Variants in UBE3A observed in about 807,000 individuals in gnomAD.
The protein encoded by UBE3A is ubiquitin protein ligase E3A.
UBE3A carries 6 observed loss-of-function variants against 83.4 expected under a neutral mutation model. That is an observed-to-expected ratio of 0.07 (90% CI 0.04 to 0.14). The LOEUF is 0.14. Ranked by LOEUF, UBE3A falls within the 10% of genes least tolerant of loss-of-function variation. UBE3A has a pLI of 1.00. For synonymous variants in UBE3A, 337 were observed against 355.4 expected, an observed-to-expected ratio of 0.95 and a Z score of 0.58; for missense variants, 456 against 1,036.1, an observed-to-expected ratio of 0.44 and a Z score of 7.69.
At chr15:25,435,380 T>C (rs1374449988) in intron 1 of UBE3A, among the ~76,000 whole-genome samples, 2 of 152,148 alleles carry the variant, frequency 1.3e-5, no homozygotes, top group Admixed American at 1.3e-4. Context: ...TAAATGTTAG[T>C]TGATCATTTA....
chr15:25,394,826 C>CAAAA (rs2085191737), intron 4 of UBE3A, among the ~76,000 whole-genome samples: 1 of 152,152 alleles, frequency 6.6e-6, no homozygotes, highest in Admixed American at 6.5e-5. Flanking sequence ...AATTTACTAG[C>CAAAA]TTCATTCTTT....
chr15:25,375,667 G>A lies in UBE3A; in HGVS notation c.159C>T (p.Ser53=). The change falls in exon 5 of 13, where the codon TCC becomes TCT. Residue 53 remains serine, a synonymous_variant. Coordinates refer to ENST00000648336, the MANE Select transcript of UBE3A (RefSeq NM_130839.5). ...TATCCATACGAAGAAAAGTTGGACA[G>A]GAAGCACAAAACTCATTCGTGCAGG... ...NEACTNEFCA[S]CPTFLRMDNN... is the part of the protein sequence containing the mutation. 1.2e-6 allele frequency: 2 copies of A among 1,614,154 alleles called. No homozygotes were observed. The highest frequency in any genetic ancestry group is 8.5e-7 in the Non-Finnish European group (1 of 1,180,026).
rs539691238 is a variant in UBE3A at position 25,378,723 on chromosome 15, T to A, written c.63-2960A>T. On this transcript the variant is annotated intron_variant, in intron 4 of 12. Coordinates refer to ENST00000648336, the MANE Select transcript of UBE3A (RefSeq NM_130839.5). ...AAGGTGATTCATTTCAAAATAATTA[T>A]TTTTTAACATGAGTAATACTGAAGA... 2.6e-5 allele frequency among the ~76,000 whole-genome samples: 4 copies of A among 152,292 alleles called. No individual in the cohort carries two copies. The South Asian group carries it at 8.3e-4, about 32-fold the overall frequency.
chr15:25,384,272 A>G (rs1003950558), intron 4 of UBE3A, among the ~76,000 whole-genome samples: 4 of 152,072 alleles, frequency 2.6e-5, no homozygotes, highest in Non-Finnish European at 5.9e-5. Flanking sequence ...ATCCTGGCCA[A>G]CATGGTGAAA....
At position 25,352,952 on chromosome 15, in the gene UBE3A, T is replaced by C. The variant is rs375141244; in HGVS notation, c.2354+1401A>G. 7.9e-5 allele frequency among the ~76,000 whole-genome samples: 12 copies of C among 152,310 alleles called. No individual in the cohort carries two copies. The East Asian group carries it at 2.3e-3, about 29-fold the overall frequency. On this transcript the variant is annotated intron_variant, in intron 11 of 12. Transcript: ENST00000648336. ...TTATGTTGTTATAAAAAGCTAGAAG[T>C]AAAATTAAGACTTTAATTTCAAAGA...
chr15:25,348,503 A>G (rs1239841722), intron 11 of UBE3A, among the ~76,000 whole-genome samples: 1 of 152,188 alleles, frequency 6.6e-6, no homozygotes, highest in African/African-American at 2.4e-5. Context: ...GAGGAACAGT[A>G]ATAAATAACA....
At chr15:25,409,374 T>C (rs1022922389) in intron 2 of UBE3A, 167 bp from the exon 3 acceptor site, 1 of 384,384 alleles carries the variant, frequency 2.6e-6, no homozygotes, top group East Asian at 3.9e-5. Context: ...ATTTTGTTTT[T>C]CTTAAATGAT....
At chr15:25,361,367 G>A (rs1044092000) in intron 6 of UBE3A, among the ~76,000 whole-genome samples, 1 of 151,834 alleles carries the variant, frequency 6.6e-6, no homozygotes, top group East Asian at 1.9e-4. Flanking sequence ...CTCATGATCC[G>A]CCCACCTCAG....
intron 1 of UBE3A, among the ~76,000 whole-genome samples, chr15:25,430,100 T>TTA (rs1232082230): frequency 1.3e-4 from 12 of 90,490 alleles, no homozygotes; most frequent in African/African-American, 5.2e-4. Flanking sequence ...TATATATATA[T>TTA]TATATATATA....
intron 8 of UBE3A, 41 bp downstream of exon 8, chr15:25,356,650 A>T (rs748909714): frequency 6.3e-7 from 1 of 1,581,294 alleles, no homozygotes; most frequent in South Asian, 1.1e-5. Context: ...CATTTAAATA[A>T]AATCTAAGAG....
At chr15:25,354,199 ATGG>A in intron 11 of UBE3A, 151 bp downstream of exon 11, 1 of 695,272 alleles carries the variant, frequency 1.4e-6, no homozygotes, top group Non-Finnish European at 2.5e-6. Context: ...GCTCTGAAAA[ATGG>A]TGATTATATT....
At chr15:25,430,092 T>C (rs1415739389) in intron 1 of UBE3A, among the ~76,000 whole-genome samples, 2 of 95,952 alleles carry the variant, frequency 2.1e-5, no homozygotes, top group Non-Finnish European at 3.6e-5. Context: ...TATAAGATTA[T>C]ATATATATTA....
At chr15:25,404,713 C>T (rs1422306290) in intron 4 of UBE3A, among the ~76,000 whole-genome samples, 1 of 152,162 alleles carries the variant, frequency 6.6e-6, no homozygotes, top group Non-Finnish European at 1.5e-5. Flanking sequence ...AAATTCTTTG[C>T]TGACTCCCTA....
chr15:25,415,849 G>GAAAAAAA (rs57736236), intron 1 of UBE3A: 2 of 111,172 alleles, frequency 1.8e-5, no homozygotes, highest in African/African-American at 3.5e-5. Flanking sequence ...CCCTCTACAA[G>GAAAAAAA]AAAAAAAAAA....
intron 11 of UBE3A, among the ~76,000 whole-genome samples, chr15:25,352,587 T>C (rs2076663653): frequency 6.6e-6 from 1 of 152,246 alleles, no homozygotes; most frequent in Non-Finnish European, 1.5e-5. Context: ...ATGGTGCTGG[T>C]AGACCTGCTT....
At chr15:25,379,470 G>T (rs1485080614) in intron 4 of UBE3A, among the ~76,000 whole-genome samples, 1 of 152,140 alleles carries the variant, frequency 6.6e-6, no homozygotes, top group Non-Finnish European at 1.5e-5. Context: ...ACAAATAGCA[G>T]CTACACTGAT....
rs1354070893 is a variant in UBE3A, at chr15:25,338,955, T to C, written c.*182A>G. The stretch of plus-strand genomic sequence containing the variant: ...CTGAAATCTGCTGTTCCAGCCCACA[T>C]GTCCCCAATAAAGAAGGGAGGCACA... On this transcript the variant is annotated 3_prime_UTR_variant, in exon 13 of 13. Transcript: ENST00000648336. The C allele has an allele frequency of 6.5e-6, 3 of 461,142 alleles. No homozygotes were observed. Among genetic ancestry groups the C allele is most frequent in the Admixed American group, 4.0e-5 (1 of 24,736 alleles). 28.6% of individuals were successfully genotyped at this position (461,142 alleles called of 1,614,324 possible). A position where few individuals can be genotyped will look rare whatever the true frequency, so the allele number is the denominator to read the frequency against.
At chr15:25,405,581 C>T (rs2088322522) in intron 3 of UBE3A, 79 bp from the exon 4 acceptor site, 3 of 1,451,862 alleles carry the variant, frequency 2.1e-6, no homozygotes, top group Non-Finnish European at 2.9e-6. Context: ...CTTAGGAAGA[C>T]AATTTTGTAA....
chr15:25,345,609 C>A (rs1314658770), intron 11 of UBE3A: 1 of 141,556 alleles, frequency 7.1e-6, no homozygotes, highest in Non-Finnish European at 1.6e-5. Flanking sequence ...AATAACAGAA[C>A]AGAGTGAAAC....
Sources: gnomAD v4.1 joint callset for allele counts (sites outside exome capture counted in the v4.1 genomes callset) on GRCh38, gnomAD v4.1.1 for gene constraint, MANE v1.5 for transcripts, NCBI Gene and HGNC (gene_info 2026-07-23, HGNC 2026-07-21) for gene names.